CUX1: variants seen among roughly 807,000 people sequenced by gnomAD.
CUX1 encodes cut like homeobox 1, also known as protein CASP.
Under a neutral mutation model 158.8 loss-of-function variants are expected in CUX1, and 31 were observed. That is an observed-to-expected ratio of 0.20 (90% CI 0.15 to 0.26). CUX1 has a LOEUF of 0.26. Among genes scored for constraint, CUX1 ranks in the 10% least tolerant of loss-of-function variants. The probability of loss-of-function intolerance (pLI) is 1.00; values close to 1 mark genes in which losing one functional copy is unlikely to be tolerated. For missense variants in CUX1, 1,589 were observed against 2,014.6 expected (o/e 0.79, Z 4.04); for synonymous variants, 879 against 862.1 (o/e 1.02, Z -0.34).
intron 19 of CUX1, 136 bp from the exon 20 acceptor site, chr7:102,204,978 C>G (rs532609667): frequency 1.7e-5 from 11 of 657,262 alleles, no homozygotes; most frequent in Non-Finnish European, 2.4e-5. Context: ...GCAGCGCCTC[C>G]CCGGCCCGTG....
chr7:101,895,915 T>TG lies in CUX1; in HGVS notation c.31-20200_31-20199insG, dbSNP rs1554408139. 1.5e-4 allele frequency among the ~76,000 whole-genome samples: 14 copies of TG among 90,546 alleles called. 1 individual carries two copies. In the South Asian group the frequency reaches 1.6e-3, roughly 10 times the overall value. 59.4% of individuals were successfully genotyped at this position (90,546 alleles called of 152,430 possible). On this transcript the variant is annotated intron_variant, in intron 1 of 23. Coordinates refer to ENST00000292535, the MANE Select transcript of CUX1 (RefSeq NM_181552.4). ...AGTTTTTTTTTTGTTTTTGTTTTTTTTTTTTTTTTTTGGAGACAGGGTCTT... is the reference window on the plus strand; with the variant it reads ...AGTTTTTTTTTTGTTTTTGTTTTTTTGTTTTTTTTTTTGGAGACAGGGTCTT...
chr7:102,133,665 C>T (rs1212722225), intron 8 of CUX1, among the ~76,000 whole-genome samples: 2 of 151,702 alleles, frequency 1.3e-5, no homozygotes, highest in African/African-American at 4.8e-5. Flanking sequence ...TTAGTAGAGA[C>T]AGGGTTTCAC....
At chr7:102,156,113 C>T (rs1191320004) in intron 8 of CUX1, among the ~76,000 whole-genome samples, 3 of 152,280 alleles carry the variant, frequency 2.0e-5, no homozygotes, top group East Asian at 3.9e-4. Context: ...TACCTCAAAT[C>T]GCTGTGTGTA....
chr7:102,041,256 CTTTTTTTTTTTTT>C (rs11427183), intron 3 of CUX1, among the ~76,000 whole-genome samples: 856 of 69,928 alleles, frequency 0.012, 15 homozygotes, highest in Middle Eastern at 0.016. Flanking sequence ...CTTATCCATT[CTTTTTTTTTTTTT>C]TTTTTTTTTT....
intron 8 of CUX1, among the ~76,000 whole-genome samples, chr7:102,135,380 G>T (rs2131346698): frequency 6.6e-6 from 1 of 152,214 alleles, no homozygotes; most frequent in Non-Finnish European, 1.5e-5. Flanking sequence ...CATCCCTGTT[G>T]TCTTCACATC....
intron 4 of CUX1, among the ~76,000 whole-genome samples, chr7:102,073,614 T>C (rs1826388829): frequency 6.6e-6 from 1 of 152,244 alleles, no homozygotes; most frequent in Admixed American, 6.5e-5. Flanking sequence ...CGTTCTGTGT[T>C]AATTTCCCAT....
At chr7:102,100,687 G>A (rs1382079288) in intron 5 of CUX1, among the ~76,000 whole-genome samples, 1 of 152,106 alleles carries the variant, frequency 6.6e-6, no homozygotes, top group Non-Finnish European at 1.5e-5. Flanking sequence ...TAGAGCAGGG[G>A]CCAGCACAAT....
chr7:101,840,947 G>A lies in CUX1; in HGVS notation c.30+23278G>A, dbSNP rs906030745. On this transcript the variant is annotated intron_variant, in intron 1 of 23. Coordinates refer to ENST00000292535, the MANE Select transcript of CUX1 (RefSeq NM_181552.4). ...CTTGCTCTATCGCCCAGGCTGGAGTGCAGTGGCGCGATCTCAGCTCACTGC... is the reference window on the plus strand; with the variant it reads ...CTTGCTCTATCGCCCAGGCTGGAGTACAGTGGCGCGATCTCAGCTCACTGC... Among the ~76,000 whole-genome samples, 5 of 151,842 alleles carry A rather than the reference G, an allele frequency of 3.3e-5. No homozygotes were observed. In the East Asian group the frequency reaches 9.6e-4, roughly 29 times the overall value.
intron 2 of CUX1, among the ~76,000 whole-genome samples, chr7:101,982,147 C>CA (rs1813527611): frequency 6.6e-6 from 1 of 152,218 alleles, no homozygotes; most frequent in Non-Finnish European, 1.5e-5. Context: ...ATGTATGACT[C>CA]AGCCCTGACC....
chr7:101,904,396 T>G lies in CUX1; in HGVS notation c.31-11719T>G, dbSNP rs1389760024. ...TGTCTACCCTAAGTCAGTACTGTAC[T>G]TCTGTTCATTTTCTGGGGGTGTGCT... On this transcript the variant is annotated intron_variant, in intron 1 of 23. Transcript: ENST00000292535. 3.3e-5 allele frequency among the ~76,000 whole-genome samples: 5 copies of G among 152,262 alleles called. No homozygotes were observed. The East Asian group carries it at 9.6e-4, about 29-fold the overall frequency.
chr7:102,075,510 T>C (rs1289084596), intron 4 of CUX1, among the ~76,000 whole-genome samples: 1 of 152,204 alleles, frequency 6.6e-6, no homozygotes, highest in African/African-American at 2.4e-5. Context: ...TTTGTCCCTA[T>C]TTCCTTTATA....
At position 102,257,268 on chromosome 7, in the gene CUX1, C is replaced by T. The variant is rs1789998529; in HGVS notation, c.*8226C>T. 2.0e-6 allele frequency: 2 copies of T among 985,294 alleles called. No homozygotes were observed. The highest frequency in any genetic ancestry group is 2.4e-6 in the Non-Finnish European group (2 of 829,890). 61.0% of individuals were successfully genotyped at this position (985,294 alleles called of 1,614,324 possible). On this transcript the variant is annotated 3_prime_UTR_variant, in exon 24 of 24. Transcript: ENST00000292535. ...GATTTTGTTCTCTCTTTGAAAGAAACCCTCCACCGAAACAATGGTCCCCAT... is the reference window on the plus strand; with the variant it reads ...GATTTTGTTCTCTCTTTGAAAGAAATCCTCCACCGAAACAATGGTCCCCAT...
At chr7:102,139,581 G>A (rs1834235804) in intron 8 of CUX1, among the ~76,000 whole-genome samples, 1 of 152,168 alleles carries the variant, frequency 6.6e-6, no homozygotes, top group South Asian at 2.1e-4. Flanking sequence ...TACTGCCTGA[G>A]CACAGAAATT....
intron 14 of CUX1, among the ~76,000 whole-genome samples, chr7:102,270,895 C>A (rs1207591284): frequency 1.3e-5 from 2 of 152,184 alleles, no homozygotes; most frequent in African/African-American, 2.4e-5. Context: ...CCCACCCCTG[C>A]AGTAGCAGAC....
chr7:102,118,897 G>A (rs1168885509), intron 8 of CUX1, among the ~76,000 whole-genome samples: 1 of 152,088 alleles, frequency 6.6e-6, no homozygotes, highest in African/African-American at 2.4e-5. Flanking sequence ...GATTACAGGC[G>A]TGCGCCACCA....
intron 4 of CUX1, among the ~76,000 whole-genome samples, chr7:102,082,176 C>T (rs945637145): frequency 5.4e-5 from 8 of 146,976 alleles, no homozygotes; most frequent in African/African-American, 1.5e-4. Context: ...AGCAGGCAGA[C>T]GGGTCTACGT....
In CUX1 at chr7:102,279,053, T is replaced by C. The variant is rs1586535424; in HGVS notation, c.1681-984T>C. On this transcript the variant is annotated intron_variant, in intron 18 of 22. Coordinates refer to the CUX1 transcript ENST00000292538. ...AGACCCTGCCTCCAAAAAATAAAAA[T>C]AAATAGGCTGGGCATGGTGGCTCAG... Among the ~76,000 whole-genome samples the C allele has an allele frequency of 2.0e-5, 3 of 148,934 alleles. No homozygotes were observed. The East Asian group carries it at 6.1e-4, about 30-fold the overall frequency.
intron 1 of CUX1, among the ~76,000 whole-genome samples, chr7:101,864,944 T>C (rs1359134260): frequency 1.3e-5 from 2 of 152,244 alleles, no homozygotes; most frequent in African/African-American, 2.4e-5. Context: ...ACCTTAATTA[T>C]TTCTAAAAAA....
chr7:102,221,541 G>A (rs1007064775), intron 20 of CUX1, among the ~76,000 whole-genome samples: 1 of 151,978 alleles, frequency 6.6e-6, no homozygotes, highest in African/African-American at 2.4e-5. Context: ...GAATTACGGC[G>A]GGTGCGGGTT....
Sources: allele counts gnomAD v4.1 joint callset (sites outside exome capture counted in the v4.1 genomes callset), GRCh38; gene constraint gnomAD v4.1.1; transcripts MANE v1.5; gene names NCBI Gene and HGNC (gene_info 2026-07-23, HGNC 2026-07-21).